CADM2: variants seen among roughly 807,000 people sequenced by gnomAD.
The protein encoded by CADM2 is immunoglobulin superfamily member 4D.
CADM2 carries 12 observed loss-of-function variants against 49.8 expected under a neutral mutation model. That is an observed-to-expected ratio of 0.24 (90% CI 0.15 to 0.39). The LOEUF (loss-of-function observed/expected upper bound fraction) is 0.39, where lower values mean the gene tolerates loss of function less well. Among genes scored for constraint, CADM2 ranks in the 10% least tolerant of loss-of-function variants. The pLI, the probability that CADM2 is intolerant of heterozygous loss-of-function variation, is 1.00. For missense variants in CADM2, 378 were observed against 492.3 expected, an observed-to-expected ratio of 0.77 and a Z score of 2.20; for synonymous variants, 214 against 175.4, an observed-to-expected ratio of 1.22 and a Z score of -1.74.
intron 2 of CADM2, among the ~76,000 whole-genome samples, chr3:85,762,789 T>C (rs944439327): frequency 6.6e-6 from 1 of 151,498 alleles, no homozygotes; most frequent in Non-Finnish European, 1.5e-5. Flanking sequence ...TTATTAATTA[T>C]ATGCCAAAAT....
At chr3:85,806,813 G>A (rs971635896) in intron 3 of CADM2, among the ~76,000 whole-genome samples, 2 of 152,142 alleles carry the variant, frequency 1.3e-5, no homozygotes, top group Admixed American at 6.6e-5. Context: ...GGGGAGATAG[G>A]AGTCTAGTGG....
chr3:85,656,733 T>C (rs1284811345), intron 1 of CADM2, among the ~76,000 whole-genome samples: 1 of 152,216 alleles, frequency 6.6e-6, no homozygotes, highest in African/African-American at 2.4e-5. Context: ...GTGAGTGTAC[T>C]GTGCTCTATC....
intron 2 of CADM2, among the ~76,000 whole-genome samples, chr3:85,741,446 G>T (rs958546915): frequency 1.3e-5 from 2 of 152,130 alleles, no homozygotes; most frequent in Admixed American, 1.3e-4. Flanking sequence ...GGGGCGGGGG[G>T]ATCACAAGGT....
At chr3:85,191,616 C>G (rs929375870) in intron 1 of CADM2, among the ~76,000 whole-genome samples, 1 of 151,996 alleles carries the variant, frequency 6.6e-6, no homozygotes, top group Non-Finnish European at 1.5e-5. Context: ...TAATGTAAAC[C>G]AGCAGCTCTA....
At chr3:85,047,871 A>C (rs1438382684) in intron 1 of CADM2, among the ~76,000 whole-genome samples, 1 of 152,152 alleles carries the variant, frequency 6.6e-6, no homozygotes. Flanking sequence ...CAAACAAAGC[A>C]GAAGACTTTC....
intron 1 of CADM2, among the ~76,000 whole-genome samples, chr3:85,427,733 A>G (rs2036479551): frequency 6.6e-6 from 1 of 152,130 alleles, no homozygotes; most frequent in Admixed American, 6.6e-5. Flanking sequence ...TATTTCATGC[A>G]AAAACTTCTG....
intron 3 of CADM2, among the ~76,000 whole-genome samples, chr3:85,814,786 C>G (rs984636186): frequency 1.3e-5 from 2 of 151,628 alleles, no homozygotes; most frequent in African/African-American, 4.8e-5. Flanking sequence ...CTATAGTATT[C>G]TATTCAAATT....
chr3:85,750,873 C>A (rs919079907), intron 2 of CADM2, among the ~76,000 whole-genome samples: 2 of 152,030 alleles, frequency 1.3e-5, no homozygotes, highest in Non-Finnish European at 2.9e-5. Flanking sequence ...TATAATTTGA[C>A]AAGCTTAGTG....
chr3:85,244,459 C>T (rs763652536), intron 1 of CADM2, among the ~76,000 whole-genome samples: 16 of 151,946 alleles, frequency 1.1e-4, no homozygotes, highest in Non-Finnish European at 2.1e-4. Flanking sequence ...TAGATAATAC[C>T]GTAAAGTTTT....
intron 8 of CADM2, among the ~76,000 whole-genome samples, chr3:85,998,097 G>A (rs893518587): frequency 6.6e-6 from 1 of 152,116 alleles, no homozygotes; most frequent in Non-Finnish European, 1.5e-5. Context: ...ATTTTTAATA[G>A]AGTAATCCCA....
At chr3:85,099,388 T>G (rs2037925880) in intron 1 of CADM2, among the ~76,000 whole-genome samples, 1 of 152,048 alleles carries the variant, frequency 6.6e-6, no homozygotes, top group Non-Finnish European at 1.5e-5. Context: ...ATGAATAATA[T>G]AATAAAAGGA....
intron 3 of CADM2, among the ~76,000 whole-genome samples, chr3:85,824,997 G>A (rs1305888370): frequency 1.3e-5 from 2 of 151,960 alleles, no homozygotes; most frequent in Non-Finnish European, 2.9e-5. Flanking sequence ...GACTTCGGGT[G>A]GAGGAGATAA....
chr3:85,980,902 CCTT>C (rs1023434763), intron 8 of CADM2, among the ~76,000 whole-genome samples: 18 of 151,192 alleles, frequency 1.2e-4, no homozygotes, highest in Admixed American at 8.6e-4. Flanking sequence ...TTCAATTATG[CCTT>C]CTTCTTCAAC....
intron 2 of CADM2, among the ~76,000 whole-genome samples, chr3:85,759,237 C>T (rs2069261541): frequency 1.3e-5 from 2 of 151,980 alleles, no homozygotes; most frequent in South Asian, 4.1e-4. Flanking sequence ...GTTCTTTATT[C>T]CTGCCTAGTT....
chr3:85,676,609 G>A (rs1010075066), intron 1 of CADM2, among the ~76,000 whole-genome samples: 1 of 152,016 alleles, frequency 6.6e-6, no homozygotes, highest in Admixed American at 6.6e-5. Context: ...TTTTGAGATA[G>A]CACTGTTGGA....
chr3:85,173,608 C>T (rs1169298788), intron 1 of CADM2, among the ~76,000 whole-genome samples: 6 of 151,954 alleles, frequency 3.9e-5, no homozygotes, highest in African/African-American at 1.5e-4. Context: ...TTTGGCTGCC[C>T]ACAAATATAA....
In CADM2 at chr3:85,327,428, G is replaced by A. The variant is rs1482589062; in HGVS notation, c.61+367760G>A. Among the ~76,000 whole-genome samples the A allele has an allele frequency of 4.6e-5, 7 of 151,434 alleles. No homozygotes were observed. The East Asian group carries it at 1.2e-3, about 25-fold the overall frequency. On this transcript the variant is annotated intron_variant, in intron 1 of 9. Coordinates refer to ENST00000383699, the MANE Select transcript of CADM2 (RefSeq NM_001167675.2). ...ACACCACCATGCCAGGCTAATTTTTGTATTTTTAGTAGAGATGGAGTTTTG... is the reference window on the plus strand; with the variant it reads ...ACACCACCATGCCAGGCTAATTTTTATATTTTTAGTAGAGATGGAGTTTTG...
At chr3:85,372,245 G>A (rs2033290748) in intron 1 of CADM2, among the ~76,000 whole-genome samples, 1 of 151,708 alleles carries the variant, frequency 6.6e-6, no homozygotes, top group Non-Finnish European at 1.5e-5. Context: ...GGAAAGAAGT[G>A]TTTTTAATTA....
At chr3:85,420,522 C>G (rs2036123238) in intron 1 of CADM2, among the ~76,000 whole-genome samples, 1 of 152,204 alleles carries the variant, frequency 6.6e-6, no homozygotes, top group Admixed American at 6.5e-5. Flanking sequence ...ATAGCCCCAA[C>G]TACTCCTCTG....
Sources: allele counts gnomAD v4.1 joint callset (sites outside exome capture counted in the v4.1 genomes callset), GRCh38; gene constraint gnomAD v4.1.1; transcripts MANE v1.5; gene names NCBI Gene and HGNC (gene_info 2026-07-23, HGNC 2026-07-21).